The following PDE10A variants were observed in gnomAD, a reference collection of about 807,000 sequenced individuals.
PDE10A encodes the protein cAMP and cAMP-inhibited cGMP 3',5'-cyclic phosphodiesterase 10A.
A neutral mutation model predicts 97.7 loss-of-function variants in PDE10A; 39 were observed. The observed-to-expected ratio is 0.40, with a 90% CI of 0.31 to 0.52. PDE10A has a LOEUF of 0.52. PDE10A is among the 20% of genes least tolerant of loss of function. PDE10A has a pLI of 0.56. For missense variants in PDE10A, 731 were observed against 1,047.8 expected (o/e 0.70, Z 4.17); for synonymous variants, 371 against 376.8 (o/e 0.98, Z 0.18).
intron 9 of PDE10A, among the ~76,000 whole-genome samples, chr6:165,429,240 T>C (rs1789382095): frequency 1.3e-5 from 2 of 152,062 alleles, no homozygotes; most frequent in African/African-American, 4.8e-5. Context: ...TGAGTATATA[T>C]TCATTGTTAT....
intron 5 of PDE10A, among the ~76,000 whole-genome samples, chr6:165,443,926 T>C (rs1438850987): frequency 6.6e-6 from 1 of 152,184 alleles, no homozygotes; most frequent in Non-Finnish European, 1.5e-5. Flanking sequence ...CCTATTGTCT[T>C]GGTGATTAAT....
At chr6:165,393,523 T>C (rs1044969492) in intron 15 of PDE10A, among the ~76,000 whole-genome samples, 2 of 151,802 alleles carry the variant, frequency 1.3e-5, no homozygotes, top group Admixed American at 1.3e-4. Context: ...CAAGAATTCA[T>C]AAAAACTTAA....
In PDE10A at chr6:165,563,140, C is replaced by T. The variant is rs9459450; in HGVS notation, c.866-19572G>A. On this transcript the variant is annotated intron_variant, in intron 1 of 21. Transcript: ENST00000539869. ...AAAGTATGGCATATAAGTTAAATATCCCACAACCGAATACAGGAAAAAAAA... is the reference window on the plus strand; with the variant it reads ...AAAGTATGGCATATAAGTTAAATATTCCACAACCGAATACAGGAAAAAAAA... Among the ~76,000 whole-genome samples, 984 of 147,804 alleles carry T rather than the reference C, an allele frequency of 6.7e-3. 7 individuals carry two copies. Among genetic ancestry groups the T allele is most frequent in the Non-Finnish European group, 0.011 (720 of 67,386 alleles).
chr6:165,862,506 G>A (rs778383009), intron 1 of PDE10A, among the ~76,000 whole-genome samples: 1 of 152,128 alleles, frequency 6.6e-6, no homozygotes, highest in Non-Finnish European at 1.5e-5. Flanking sequence ...ACTCGACCAC[G>A]TTTAACAGTC....
chr6:165,981,804 T>G (rs754837624), intron 1 of PDE10A, among the ~76,000 whole-genome samples: 2 of 152,232 alleles, frequency 1.3e-5, no homozygotes, highest in Non-Finnish European at 2.9e-5. Flanking sequence ...GCCATGCCCA[T>G]TTTTTAATAT....
At chr6:165,373,381 C>T (rs1316090299) in intron 18 of PDE10A, among the ~76,000 whole-genome samples, 1 of 152,108 alleles carries the variant, frequency 6.6e-6, no homozygotes, top group Non-Finnish European at 1.5e-5. Context: ...AACAAATTTA[C>T]AAGACAAAAA....
At chr6:165,850,084 A>G (rs112358688) in intron 1 of PDE10A, among the ~76,000 whole-genome samples, 329 of 152,302 alleles carry the variant, frequency 2.2e-3, no homozygotes, top group African/African-American at 7.6e-3. Context: ...ACGAGCATCA[A>G]AATTTAACAA....
chr6:165,448,222 A>C (rs1791009841), intron 5 of PDE10A, among the ~76,000 whole-genome samples: 1 of 152,260 alleles, frequency 6.6e-6, no homozygotes, highest in African/African-American at 2.4e-5. Context: ...TATGAATATT[A>C]GCATTATTGG....
chr6:165,337,269 T>A (rs1781707319), intron 20 of PDE10A, among the ~76,000 whole-genome samples: 1 of 152,206 alleles, frequency 6.6e-6, no homozygotes, highest in Non-Finnish European at 1.5e-5. Flanking sequence ...TGTCTAGTCA[T>A]AAGTCACTGG....
chr6:165,619,730 T>TAGTCTAGTCTAGTGC (rs1554296859), intron 1 of PDE10A, among the ~76,000 whole-genome samples: 3 of 148,700 alleles, frequency 2.0e-5, no homozygotes, highest in African/African-American at 7.5e-5. Flanking sequence ...CAGTGTAGTG[T>TAGTCTAGTCTAGTGC]AGTGTAGTCT....
intron 1 of PDE10A, among the ~76,000 whole-genome samples, chr6:165,678,497 G>T (rs1790888619): frequency 6.6e-6 from 1 of 151,996 alleles, no homozygotes; most frequent in Non-Finnish European, 1.5e-5. Context: ...CAAACTGGAA[G>T]TGTGAAGGCT....
At chr6:165,462,493 A>G (rs1172523595) in intron 3 of PDE10A, among the ~76,000 whole-genome samples, 1 of 152,242 alleles carries the variant, frequency 6.6e-6, no homozygotes, top group Non-Finnish European at 1.5e-5. Flanking sequence ...GGACCAAATC[A>G]ACAGCCGATT....
intron 1 of PDE10A, among the ~76,000 whole-genome samples, chr6:165,969,208 A>G (rs1784600047): frequency 6.6e-6 from 1 of 152,224 alleles, no homozygotes; most frequent in Non-Finnish European, 1.5e-5. Context: ...AATGTAAGTA[A>G]CAGAAATCAA....
At chr6:165,959,979 C>A (rs575370369) in intron 1 of PDE10A, among the ~76,000 whole-genome samples, 1 of 152,172 alleles carries the variant, frequency 6.6e-6, no homozygotes, top group Non-Finnish European at 1.5e-5. Flanking sequence ...CCAGCCACAG[C>A]AAGGGACAAT....
At chr6:165,972,904 A>T (rs1784729762) in intron 1 of PDE10A, among the ~76,000 whole-genome samples, 1 of 152,082 alleles carries the variant, frequency 6.6e-6, no homozygotes, top group South Asian at 2.1e-4. Context: ...ACACACATAC[A>T]CAAGTCCCTG....
rs548542092 is a variant in PDE10A at position 165,460,042 on chromosome 6, G to A, written c.1024-9680C>T. Among the ~76,000 whole-genome samples the A allele has an allele frequency of 2.0e-5, 3 of 152,264 alleles. No homozygotes were observed. In the South Asian group the frequency reaches 6.2e-4, roughly 32 times the overall value. ...GGAAATGCCATGAGGGACCCGTCCC[G>A]GGCCCCATTCTAAACCGGGGCATTT... On this transcript the variant is annotated intron_variant, in intron 3 of 21. Coordinates refer to ENST00000539869, the MANE Select transcript of PDE10A (RefSeq NM_001385079.1).
At chr6:165,663,570 C>T (rs1357870172), upstream of PDE10A, among the ~76,000 whole-genome samples, 1 of 152,232 alleles carries the variant, frequency 6.6e-6, no homozygotes, top group East Asian at 1.9e-4. Flanking sequence ...CCCAGCTGTG[C>T]TCAGTCAGAG....
intron 1 of PDE10A, among the ~76,000 whole-genome samples, chr6:165,713,447 G>A (rs922506216): frequency 6.6e-5 from 10 of 152,154 alleles, no homozygotes; most frequent in Non-Finnish European, 1.0e-4. Context: ...AGCATTGTCC[G>A]TTTTCACAAG....
chr6:165,936,531 C>T (rs1407362584), intron 1 of PDE10A, among the ~76,000 whole-genome samples: 1 of 152,112 alleles, frequency 6.6e-6, no homozygotes, highest in Non-Finnish European at 1.5e-5. Flanking sequence ...AGATCTGGCA[C>T]CAGAAGACAG....
Sources: allele counts gnomAD v4.1 joint callset (sites outside exome capture counted in the v4.1 genomes callset), GRCh38; gene constraint gnomAD v4.1.1; transcripts MANE v1.5; gene names NCBI Gene and HGNC (gene_info 2026-07-23, HGNC 2026-07-21).